Variants in SLC6A16 observed in about 807,000 individuals in gnomAD.
The protein encoded by SLC6A16 is solute carrier family 6 member 16.
SLC6A16 carries 54 observed loss-of-function variants against 65.4 expected under a neutral mutation model. The observed-to-expected ratio is 0.83, with a 90% CI of 0.66 to 1.04. The LOEUF (loss-of-function observed/expected upper bound fraction) is 1.04, where lower values mean the gene tolerates loss of function less well. SLC6A16 is among the 50% of genes least tolerant of loss of function. The probability of loss-of-function intolerance (pLI) is 0.00; values close to 1 mark genes in which losing one functional copy is unlikely to be tolerated. For synonymous variants in SLC6A16, 330 were observed against 346.5 expected, an observed-to-expected ratio of 0.95 and a Z score of 0.53; for missense variants, 816 against 914.0, an observed-to-expected ratio of 0.89 and a Z score of 1.38.
chr19:49,316,540 A>C (rs1222596531), intron 1 of SLC6A16, among the ~76,000 whole-genome samples: 1 of 152,204 alleles, frequency 6.6e-6, no homozygotes, highest in African/African-American at 2.4e-5. Context: ...TAAAACTAGA[A>C]GATGTCTTGC....
chr19:49,325,307 TCTCTCCCCACACGCA>T, upstream of SLC6A16: 1 of 919,052 alleles, frequency 1.1e-6, no homozygotes, highest in Non-Finnish European at 1.3e-6. Flanking sequence ...AACTCCCTGC[TCTCTCCCCACACGCA>T]CGCACGTGTG....
chr19:49,312,062 A>C (rs1970533823), intron 1 of SLC6A16, among the ~76,000 whole-genome samples: 1 of 151,304 alleles, frequency 6.6e-6, no homozygotes, highest in Admixed American at 6.6e-5. Context: ...TTTTTAGTAG[A>C]GCCAGGTTGG....
chr19:49,295,807 A>C (rs1202023931), intron 7 of SLC6A16, among the ~76,000 whole-genome samples: 1 of 152,198 alleles, frequency 6.6e-6, no homozygotes, highest in Non-Finnish European at 1.5e-5. Context: ...GCCCAAAATA[A>C]GGATCAGAAT....
intron 1 of SLC6A16, among the ~76,000 whole-genome samples, 165 bp from the exon 2 acceptor site, chr19:49,311,576 G>C (rs559213150): frequency 2.5e-4 from 38 of 151,978 alleles, no homozygotes; most frequent in Non-Finnish European, 4.9e-4. Context: ...ATGTTTTCAC[G>C]TGGTGGCTCA....
rs199635379 is a variant in SLC6A16, at chr19:49,290,409, A to C, written c.1942-17T>G. ...CTCTTTTGACTGTGGAGAGATGGGA[A>C]AAGGGTTCAGAATATCAAAATCCCC... On this transcript the variant is annotated splice_polypyrimidine_tract_variant and intron_variant, in intron 11 of 11. Transcript: ENST00000335875. 58 of 1,603,608 alleles carry C rather than the reference A, an allele frequency of 3.6e-5. No homozygotes were observed. Among genetic ancestry groups the C allele is most frequent in the African/African-American group, 1.3e-5 (1 of 74,578 alleles).
At chr19:49,331,131 G>A in the SLC6A16 span, among the ~76,000 whole-genome samples, 2 of 152,236 alleles carry the variant, frequency 1.3e-5, no homozygotes, top group South Asian at 4.2e-4. Context: ...TTCCTTCAAA[G>A]GCTCAGAGGA....
the SLC6A16 span, chr19:49,340,316 T>C: frequency 6.2e-7 from 1 of 1,613,042 alleles, no homozygotes; most frequent in Non-Finnish European, 8.5e-7. Flanking sequence ...ACCGGCTCGC[T>C]CGATACCGTT....
chr19:49,310,059 C>T lies in SLC6A16; in HGVS notation c.681G>A (p.Thr227=), dbSNP rs17853339. The change falls in exon 4 of 12, where the codon ACG becomes ACA. Residue 227 remains threonine (T), a synonymous_variant. Coordinates refer to ENST00000335875, the MANE Select transcript of SLC6A16 (RefSeq NM_014037.3). The stretch of plus-strand genomic sequence containing the variant: ...CCTCACCAAAGCCACTAGAGTTCAT[C>T]GTTAAGGGACATTTCTCCCATGGAA... The part of the protein sequence containing the change: ...FPVPWEKCPL[T]MNSSGFDPEC... The T allele has an allele frequency of 2.5e-6, 4 of 1,613,868 alleles. No individual in the cohort carries two copies. Among genetic ancestry groups the T allele is most frequent in the African/African-American group, 1.3e-5 (1 of 74,844 alleles).
intron 1 of SLC6A16, among the ~76,000 whole-genome samples, chr19:49,321,704 C>A (rs901250534): frequency 6.6e-6 from 1 of 150,600 alleles, no homozygotes; most frequent in Non-Finnish European, 1.5e-5. Flanking sequence ...CCACTGCACT[C>A]CAGCCTGGGT....
intron 9 of SLC6A16, 22 bp downstream of exon 9, chr19:49,293,805 A>C (rs1970127780): frequency 1.9e-6 from 3 of 1,605,806 alleles, no homozygotes; most frequent in East Asian, 2.2e-5. Context: ...CATTGTTAGG[A>C]GTAGGGCCTA....
the SLC6A16 span, chr19:49,336,813 G>A: frequency 2.2e-6 from 3 of 1,363,116 alleles, no homozygotes; most frequent in East Asian, 2.3e-5. Context: ...GGGGCACCAA[G>A]ATACTGCTCC....
At chr19:49,306,402 G>C (rs1970387129) in intron 7 of SLC6A16, among the ~76,000 whole-genome samples, 1 of 151,996 alleles carries the variant, frequency 6.6e-6, no homozygotes, top group Non-Finnish European at 1.5e-5. Flanking sequence ...AGTAAGCAAA[G>C]AGAATGTATA....
At chr19:49,308,180 C>T (rs887139099) in intron 7 of SLC6A16, among the ~76,000 whole-genome samples, 2 of 151,914 alleles carry the variant, frequency 1.3e-5, no homozygotes, top group Non-Finnish European at 2.9e-5. Context: ...CCTTAGGGCG[C>T]GGTGGCTCAC....
chr19:49,323,360 A>G (rs1283599456), intron 1 of SLC6A16, among the ~76,000 whole-genome samples: 1 of 152,236 alleles, frequency 6.6e-6, no homozygotes, highest in Non-Finnish European at 1.5e-5. Flanking sequence ...AGAAACAAAC[A>G]GGATTTCATT....
chr19:49,311,172 G>A lies in SLC6A16; in HGVS notation c.176C>T (p.Ala59Val). ...AQVSAARVAE[A>V]QARTSQPKQI... ...CTTGGGCTGACTGGTCCTGGCCTGAGCCTCTGCAACCCGGGCTGCTGAAAC... is the reference window on the plus strand; with the variant it reads ...CTTGGGCTGACTGGTCCTGGCCTGAACCTCTGCAACCCGGGCTGCTGAAAC... The change falls in exon 2 of 12, where the codon GCT becomes GTT. Residue 59 changes from alanine (A) to valine (V), a missense_variant. Coordinates refer to ENST00000335875, the MANE Select transcript of SLC6A16 (RefSeq NM_014037.3). The A allele has an allele frequency of 6.2e-7, 1 of 1,614,174 alleles. No homozygotes were observed. Among genetic ancestry groups the A allele is most frequent in the Non-Finnish European group, 8.5e-7 (1 of 1,180,018 alleles).
rs1970060328 is a variant in SLC6A16, at chr19:49,290,663, G to T, written c.1883C>A (p.Thr628Asn). ...CPVVLLIIFV[T>N]MMVHLCMKPI... Reference sequence around the variant, plus strand: ...CTTCATACAAAGATGAACCATCATGGTCACAAAGATGATTAGCAGCACAAC... The same window carrying T: ...CTTCATACAAAGATGAACCATCATGTTCACAAAGATGATTAGCAGCACAAC... Residue 628 changes from threonine (T) to asparagine (N), a missense_variant, in exon 11 of 12, where the codon ACC becomes AAC. Transcript: ENST00000335875. 4 of 1,613,952 alleles carry T rather than the reference G, an allele frequency of 2.5e-6. No homozygotes were observed. The South Asian group carries it at 3.3e-5, about 13-fold the overall frequency.
chr19:49,296,075 C>T (rs1192358113), intron 7 of SLC6A16, among the ~76,000 whole-genome samples: 1 of 152,108 alleles, frequency 6.6e-6, no homozygotes, highest in Non-Finnish European at 1.5e-5. Context: ...CTGCAACCTC[C>T]GCCTCCCAGG....
In SLC6A16 at chr19:49,309,412, C is replaced by G; in HGVS notation, c.877-1G>C. 1 of 1,608,896 alleles carries G rather than the reference C, an allele frequency of 6.2e-7. No homozygotes were observed. The highest frequency in any genetic ancestry group is 8.5e-7 in the Non-Finnish European group (1 of 1,175,424). ...GGAGCAGTACCAAGACATAGATTAC[C>G]TGAATCGAGAGTGGGACATATCAGC... On this transcript the variant is annotated splice_acceptor_variant, in intron 5 of 11. Transcript: ENST00000335875. LOFTEE classifies it high-confidence loss of function.
the SLC6A16 span, chr19:49,338,118 C>G: frequency 7.2e-6 from 11 of 1,529,708 alleles, no homozygotes; most frequent in African/African-American, 1.5e-4. This position sits in a 1 kb window ranked among gnomAD's most constrained non-coding sequence, Gnocchi z 5.0. Context: ...GGCCCGACCC[C>G]CAGCTCTACG....
Sources: gnomAD v4.1 joint callset for allele counts (sites outside exome capture counted in the v4.1 genomes callset) on GRCh38, gnomAD v4.1.1 for gene constraint, Gnocchi (gnomAD v3.1) non-coding constraint, MANE v1.5 for transcripts, NCBI Gene and HGNC (gene_info 2026-07-23, HGNC 2026-07-21) for gene names.